Variants in SLC25A21 observed in about 807,000 individuals in gnomAD.
SLC25A21 encodes the protein solute carrier family 25 member 21.
Under a neutral mutation model 43.8 loss-of-function variants are expected in SLC25A21, and 47 were observed. The ratio of observed to expected loss-of-function variants is 1.07; its 90% CI spans 0.85 to 1.37. The LOEUF (loss-of-function observed/expected upper bound fraction) is 1.37. Among genes scored for constraint, SLC25A21 ranks in the 40% most tolerant of loss-of-function variants. The pLI, the probability that SLC25A21 is intolerant of heterozygous loss-of-function variation, is 0.00. For synonymous variants in SLC25A21, 131 were observed against 121.3 expected (o/e 1.08, Z -0.52); for missense variants, 352 against 350.2 (o/e 1.00, Z -0.04).
At chr14:36,865,170 C>G (rs548566136) in intron 2 of SLC25A21, among the ~76,000 whole-genome samples, 2 of 152,212 alleles carry the variant, frequency 1.3e-5, no homozygotes, top group South Asian at 4.1e-4. Flanking sequence ...TTCCCCTCCT[C>G]CCTGCTAGAG....
In SLC25A21 at chr14:36,832,861, C is replaced by T. The variant is rs1318954221; in HGVS notation, c.120-18860G>A. On this transcript the variant is annotated intron_variant, in intron 2 of 9. Transcript: ENST00000331299. ...CAAATCTCAGAAAACAAAGTGGATT[C>T]CACCCTTTTTTGTGATTAAGCAATA... Among the ~76,000 whole-genome samples the T allele has an allele frequency of 2.6e-5, 4 of 152,244 alleles. No individual in the cohort carries two copies. The East Asian group carries it at 7.7e-4, about 29-fold the overall frequency.
At chr14:36,994,180 T>A (rs941208987) in intron 1 of SLC25A21, among the ~76,000 whole-genome samples, 2 of 152,192 alleles carry the variant, frequency 1.3e-5, no homozygotes, top group Non-Finnish European at 2.9e-5. Context: ...CGGGGAGATG[T>A]CTTTCCCCAA....
chr14:37,144,032 G>A (rs530977108), intron 1 of SLC25A21, among the ~76,000 whole-genome samples: 31 of 152,238 alleles, frequency 2.0e-4, no homozygotes, highest in Admixed American at 1.3e-3. Context: ...TGGGAAGCTC[G>A]GGACAGGTCT....
chr14:36,769,526 C>G (rs538054181), intron 3 of SLC25A21, among the ~76,000 whole-genome samples: 8 of 152,194 alleles, frequency 5.3e-5, no homozygotes, highest in African/African-American at 1.9e-4. Context: ...TCCTAAAAAT[C>G]CCTAAAAATC....
chr14:37,120,011 G>A, intron 1 of SLC25A21, among the ~76,000 whole-genome samples: 1 of 152,132 alleles, frequency 6.6e-6, no homozygotes, highest in Non-Finnish European at 1.5e-5. Flanking sequence ...ACATTTCTGT[G>A]AATCTATCAA....
intron 1 of SLC25A21, among the ~76,000 whole-genome samples, chr14:37,158,270 C>G (rs1963883962): frequency 1.3e-5 from 2 of 152,044 alleles, no homozygotes; most frequent in Non-Finnish European, 2.9e-5. Flanking sequence ...CAGAAAAGAA[C>G]AGAACAAAAA....
chr14:37,011,840 A>C (rs900455454), intron 1 of SLC25A21, among the ~76,000 whole-genome samples: 4 of 152,214 alleles, frequency 2.6e-5, no homozygotes. Context: ...CATTCCGAGC[A>C]CAGGTTTACA....
intron 1 of SLC25A21, among the ~76,000 whole-genome samples, chr14:37,067,284 A>T (rs1301797511): frequency 2.0e-5 from 3 of 152,292 alleles, no homozygotes; most frequent in South Asian, 2.1e-4. Flanking sequence ...TACTCCAAAA[A>T]ATGAAGTAAA....
chr14:36,945,771 AAG>A (rs1892666450), intron 1 of SLC25A21, among the ~76,000 whole-genome samples: 1 of 152,156 alleles, frequency 6.6e-6, no homozygotes. Context: ...GCAACAGGAA[AAG>A]AGTTCTGGAG....
intron 1 of SLC25A21, among the ~76,000 whole-genome samples, chr14:37,068,536 C>T (rs774490691): frequency 1.3e-5 from 2 of 152,242 alleles, no homozygotes; most frequent in Middle Eastern, 3.4e-3. Context: ...TGTATAATTG[C>T]ATCACATAGC....
intron 1 of SLC25A21, among the ~76,000 whole-genome samples, chr14:37,032,499 GCAC>G (rs1566829187): frequency 6.6e-6 from 1 of 152,052 alleles, no homozygotes; most frequent in East Asian, 1.9e-4. Context: ...TTGTGCCACT[GCAC>G]TCCAGCCTGG....
At chr14:36,989,504 T>A (rs1266072027) in intron 1 of SLC25A21, among the ~76,000 whole-genome samples, 1 of 108,816 alleles carries the variant, frequency 9.2e-6, no homozygotes, top group Non-Finnish European at 1.6e-5. Context: ...AACTAAATCA[T>A]TTTTTTTTTT....
chr14:37,141,082 T>C (rs1594813572), intron 1 of SLC25A21, among the ~76,000 whole-genome samples: 1 of 151,972 alleles, frequency 6.6e-6, no homozygotes, highest in South Asian at 2.1e-4. Flanking sequence ...GAAGCGGAGG[T>C]TGCAGTGAGC....
intron 1 of SLC25A21, among the ~76,000 whole-genome samples, chr14:37,133,494 A>G (rs114217023): frequency 6.5e-4 from 98 of 151,564 alleles, no homozygotes; most frequent in African/African-American, 2.0e-3. Context: ...TTAAGTTTTC[A>G]TCTACCCTCC....
intron 2 of SLC25A21, among the ~76,000 whole-genome samples, chr14:36,856,363 G>A (rs750146935): frequency 1.3e-5 from 2 of 152,112 alleles, no homozygotes; most frequent in African/African-American, 4.8e-5. Flanking sequence ...ATTCCAAAGC[G>A]GTCAGGCCAG....
At chr14:36,917,801 C>T (rs17105692) in intron 1 of SLC25A21, among the ~76,000 whole-genome samples, 13,448 of 152,138 alleles carry the variant, frequency 0.088, 993 homozygotes, top group East Asian at 0.22. Context: ...CTAACATTTA[C>T]ATTTTATCAT....
chr14:37,095,401 C>A (rs1962669355), intron 1 of SLC25A21, among the ~76,000 whole-genome samples: 1 of 152,060 alleles, frequency 6.6e-6, no homozygotes, highest in Admixed American at 6.6e-5. Flanking sequence ...GCCTGTAAGC[C>A]CAGCTACTTG....
chr14:37,091,236 C>T (rs553514625), intron 1 of SLC25A21, among the ~76,000 whole-genome samples: 1 of 152,154 alleles, frequency 6.6e-6, no homozygotes, highest in African/African-American at 2.4e-5. Context: ...ACATCCAGAC[C>T]AGCCTGGCTA....
At chr14:36,909,000 A>T (rs1891609564) in intron 1 of SLC25A21, among the ~76,000 whole-genome samples, 1 of 152,192 alleles carries the variant, frequency 6.6e-6, no homozygotes, top group African/African-American at 2.4e-5. Context: ...CTGTTGAATA[A>T]TCCAGGCAAG....
Sources: allele counts gnomAD v4.1 joint callset (sites outside exome capture counted in the v4.1 genomes callset), GRCh38; gene constraint gnomAD v4.1.1; transcripts MANE v1.5; gene names NCBI Gene and HGNC (gene_info 2026-07-23, HGNC 2026-07-21).